SGCZ: variants seen among roughly 807,000 people sequenced by gnomAD.
The protein encoded by SGCZ is zeta-sarcoglycan.
In SGCZ, 40 loss-of-function variants were observed where a neutral mutation model predicts 41.3. That is an observed-to-expected ratio of 0.97 (90% CI 0.75 to 1.26). SGCZ has a LOEUF of 1.26. SGCZ is among the 50% of genes most tolerant of loss of function. The probability of loss-of-function intolerance (pLI) is 0.00; values close to 1 mark genes in which losing one functional copy is unlikely to be tolerated. For synonymous variants in SGCZ, 206 were observed against 137.5 expected, an observed-to-expected ratio of 1.50 and a Z score of -3.49; for missense variants, 552 against 369.8, an observed-to-expected ratio of 1.49 and a Z score of -4.04.
intron 1 of SGCZ, among the ~76,000 whole-genome samples, chr8:15,210,504 G>A (rs1224710362): frequency 6.6e-6 from 1 of 151,804 alleles, no homozygotes; most frequent in Non-Finnish European, 1.5e-5. Flanking sequence ...TTTACCCTTT[G>A]CCTCTGTGCC....
At chr8:14,784,418 A>ATC (rs35071374) in intron 1 of SGCZ, among the ~76,000 whole-genome samples, 114,365 of 151,614 alleles carry the variant, frequency 0.75, 43,891 homozygotes, top group African/African-American at 0.9. Flanking sequence ...CAGAAAAAAA[A>ATC]TGTCAGCTAT....
intron 3 of SGCZ, among the ~76,000 whole-genome samples, chr8:14,239,484 G>T (rs996688683): frequency 6.6e-6 from 1 of 151,898 alleles, no homozygotes; most frequent in Non-Finnish European, 1.5e-5. Context: ...ACATGAGTTT[G>T]GTTTAGAGTT....
At chr8:14,979,534 G>C (rs1020823704) in intron 1 of SGCZ, among the ~76,000 whole-genome samples, 2 of 152,280 alleles carry the variant, frequency 1.3e-5, no homozygotes, top group African/African-American at 4.8e-5. Context: ...GCTTTTTAAT[G>C]TAAACTGCTA....
At chr8:14,304,628 G>A (rs527248312) in intron 3 of SGCZ, among the ~76,000 whole-genome samples, 1 of 152,232 alleles carries the variant, frequency 6.6e-6, no homozygotes, top group South Asian at 2.1e-4. Flanking sequence ...TAACAGAAAA[G>A]TAAAATAAAT....
intron 1 of SGCZ, among the ~76,000 whole-genome samples, chr8:14,913,822 T>C (rs1298754792): frequency 6.6e-6 from 1 of 152,024 alleles, no homozygotes; most frequent in Non-Finnish European, 1.5e-5. Flanking sequence ...CATATTTCTT[T>C]AGTCATAGGT....
chr8:14,203,311 A>G (rs951394801), intron 4 of SGCZ, among the ~76,000 whole-genome samples: 7 of 152,204 alleles, frequency 4.6e-5, no homozygotes, highest in Non-Finnish European at 7.3e-5. Context: ...AGACGAGAAG[A>G]GTGTAGGAGA....
chr8:14,701,306 A>T (rs759862939), intron 1 of SGCZ, among the ~76,000 whole-genome samples: 1 of 152,000 alleles, frequency 6.6e-6, no homozygotes, highest in Non-Finnish European at 1.5e-5. Flanking sequence ...AATTTATAAA[A>T]CTTATAAAAA....
In SGCZ at chr8:14,898,386, C is replaced by G. The variant is rs937509519; in HGVS notation, c.39+339199G>C. Among the ~76,000 whole-genome samples the G allele has an allele frequency of 3.3e-4, 50 of 152,278 alleles. 1 individual carries two copies. The highest frequency in any genetic ancestry group is 1.2e-3 in the African/African-American group (48 of 41,572). ...GAAACAGCCGAGGCTGCCGCTGAAC[C>G]TCTGGGTGTGATGGGAAATGCGTTG... On this transcript the variant is annotated intron_variant, in intron 1 of 7. Coordinates refer to ENST00000382080, the MANE Select transcript of SGCZ (RefSeq NM_139167.4).
intron 1 of SGCZ, among the ~76,000 whole-genome samples, chr8:14,670,910 T>C (rs982031861): frequency 2.6e-5 from 4 of 152,222 alleles, no homozygotes; most frequent in Non-Finnish European, 4.4e-5. Flanking sequence ...TTTACTACCC[T>C]ATAGAACTAG....
At chr8:15,140,000 G>C (rs926065444) in intron 1 of SGCZ, among the ~76,000 whole-genome samples, 2 of 151,868 alleles carry the variant, frequency 1.3e-5, no homozygotes, top group Non-Finnish European at 2.9e-5. Flanking sequence ...GGGGGTTGGG[G>C]GGACGGACAC....
intron 1 of SGCZ, among the ~76,000 whole-genome samples, chr8:15,153,225 T>C (rs1325104308): frequency 6.7e-6 from 1 of 149,808 alleles, no homozygotes; most frequent in South Asian, 2.2e-4. Flanking sequence ...CTCTTGTAAA[T>C]CCAGGTGCAT....
chr8:14,487,032 C>T (rs11775595), intron 2 of SGCZ, among the ~76,000 whole-genome samples: 28,837 of 152,134 alleles, frequency 0.19, 3,263 homozygotes, highest in Admixed American at 0.26. Context: ...AGAACAGTGA[C>T]GTGTTCACAC....
intron 1 of SGCZ, among the ~76,000 whole-genome samples, chr8:15,145,274 C>G (rs964634925): frequency 1.2e-4 from 19 of 152,164 alleles, no homozygotes; most frequent in African/African-American, 4.6e-4. Flanking sequence ...TGAAACTAAT[C>G]TAAAGCGTCA....
At chr8:14,131,562 C>T (rs572718313) in intron 5 of SGCZ, among the ~76,000 whole-genome samples, 2 of 152,076 alleles carry the variant, frequency 1.3e-5, no homozygotes, top group African/African-American at 4.8e-5. Context: ...TATACATTCC[C>T]TTTTTGTCTT....
intron 1 of SGCZ, among the ~76,000 whole-genome samples, chr8:15,208,894 C>CATACAT (rs1554477912): frequency 2.1e-5 from 3 of 146,144 alleles, no homozygotes; most frequent in Non-Finnish European, 3.0e-5. Context: ...TATCCCTATA[C>CATACAT]ATATATATAG....
chr8:14,679,704 T>C (rs1585176962), intron 1 of SGCZ, among the ~76,000 whole-genome samples: 1 of 151,962 alleles, frequency 6.6e-6, no homozygotes, highest in African/African-American at 2.4e-5. Flanking sequence ...AAATTTAGTG[T>C]AGCCTAAGGT....
intron 1 of SGCZ, among the ~76,000 whole-genome samples, chr8:14,943,000 C>A (rs936045265): frequency 6.6e-6 from 1 of 152,130 alleles, no homozygotes; most frequent in Admixed American, 6.5e-5. Context: ...CTTATTGAGA[C>A]ACATTCAACT....
At chr8:15,030,788 G>A (rs1803633137) in intron 1 of SGCZ, among the ~76,000 whole-genome samples, 2 of 152,054 alleles carry the variant, frequency 1.3e-5, no homozygotes, top group African/African-American at 2.4e-5. Flanking sequence ...CCAGACGAAG[G>A]GATACTAACA....
chr8:14,106,760 A>G (rs1802216656), intron 6 of SGCZ, among the ~76,000 whole-genome samples: 1 of 152,224 alleles, frequency 6.6e-6, no homozygotes. Context: ...GGTTGATACT[A>G]TGATCCAACT....
Sources: allele counts gnomAD v4.1 joint callset (sites outside exome capture counted in the v4.1 genomes callset), GRCh38; gene constraint gnomAD v4.1.1; transcripts MANE v1.5; gene names NCBI Gene and HGNC (gene_info 2026-07-23, HGNC 2026-07-21).